Variants in BSDC1 observed in about 807,000 individuals in gnomAD.
The protein encoded by BSDC1 is BSD domain-containing protein 1.
In BSDC1, 29 loss-of-function variants were observed where a neutral mutation model predicts 56.0. That is an observed-to-expected ratio of 0.52 (90% CI 0.39 to 0.71). The LOEUF (loss-of-function observed/expected upper bound fraction) is 0.71, where lower values mean the gene tolerates loss of function less well. Among genes scored for constraint, BSDC1 ranks in the 30% least tolerant of loss-of-function variants. The pLI is 0.00. For missense variants in BSDC1, 477 were observed against 548.5 expected (o/e 0.87, Z 1.30); for synonymous variants, 210 against 215.3 (o/e 0.98, Z 0.21).
chr1:32,371,742 T>G (rs1489057695), intron 9 of BSDC1, among the ~76,000 whole-genome samples: 1 of 151,976 alleles, frequency 6.6e-6, no homozygotes, highest in Non-Finnish European at 1.5e-5. Context: ...GACCTACCCC[T>G]CAGCCCCGCT....
chr1:32,376,690 A>G lies in BSDC1; in HGVS notation c.728T>C (p.Val243Ala). 1 of 1,424,980 alleles carries G rather than the reference A, an allele frequency of 7.0e-7. No homozygotes were observed. The highest frequency in any genetic ancestry group is 9.3e-7 in the Non-Finnish European group (1 of 1,077,890). 88.3% of individuals were successfully genotyped at this position (1,424,980 alleles called of 1,614,324 possible). A position where few individuals can be genotyped will look rare whatever the true frequency, so the allele number is the denominator to read the frequency against. ...TTCAGGGAATGTAGAAATTTTGGCC[A>G]CAGGAACCTTTGCCTCTTTTGGAGA... ...PISPKEAKVP[V>A]AKISTFPEGE... is the part of the protein sequence containing the mutation. The change falls in exon 9 of 11, where the codon GTG becomes GCG. Residue 243 changes from valine to alanine, a missense_variant. By Grantham distance (64) the Val-to-Ala change is moderately conservative. Transcript: ENST00000455895.
chr1:32,377,903 G>C, intron 8 of BSDC1, 67 bp downstream of exon 8: 1 of 1,479,960 alleles, frequency 6.8e-7, no homozygotes, highest in Admixed American at 2.0e-5. Context: ...GCTTCAGAGA[G>C]CATGGCCCAG....
rs555825269 is a variant in BSDC1 at position 32,390,783 on chromosome 1, C to T, written c.72+3297G>A. 4.6e-5 allele frequency among the ~76,000 whole-genome samples: 7 copies of T among 152,050 alleles called. No individual in the cohort carries two copies. The East Asian group carries it at 1.4e-3, about 30-fold the overall frequency. On this transcript the variant is annotated intron_variant, in intron 2 of 10. Transcript: ENST00000455895. Reference sequence around the variant, plus strand: ...AAAATTAGTTGGGCGTGATGGTACACGCCTATAGTCCCAGCTACTTGGGGG... The same window carrying T: ...AAAATTAGTTGGGCGTGATGGTACATGCCTATAGTCCCAGCTACTTGGGGG...
intron 9 of BSDC1, chr1:32,369,406 G>C: frequency 1.3e-6 from 1 of 742,188 alleles, no homozygotes; most frequent in Admixed American, 2.7e-5. Context: ...CTACTCAGGA[G>C]GCTGAGGTGT....
intron 5 of BSDC1, among the ~76,000 whole-genome samples, chr1:32,380,747 C>T (rs1234400440): frequency 1.3e-5 from 2 of 152,180 alleles, no homozygotes; most frequent in Non-Finnish European, 2.9e-5. Context: ...CTCCTGCTGC[C>T]CCGCTGCTCT....
chr1:32,382,503 C>T (rs536451546), intron 4 of BSDC1, among the ~76,000 whole-genome samples: 11 of 150,340 alleles, frequency 7.3e-5, no homozygotes, highest in Non-Finnish European at 1.3e-4. Flanking sequence ...AAAAAAACTA[C>T]GAAGAGGGCC....
At chr1:32,389,467 T>C (rs1642790608) in intron 2 of BSDC1, among the ~76,000 whole-genome samples, 1 of 152,218 alleles carries the variant, frequency 6.6e-6, no homozygotes, top group Non-Finnish European at 1.5e-5. Context: ...CGCTAGACTG[T>C]GAGCTCTGAG....
chr1:32,368,850 C>T (rs1234005000), intron 9 of BSDC1, among the ~76,000 whole-genome samples: 1 of 152,088 alleles, frequency 6.6e-6, no homozygotes, highest in Non-Finnish European at 1.5e-5. Context: ...AGGCGCACGC[C>T]CCACACACCT....
chr1:32,381,411 C>G (rs368753009), intron 4 of BSDC1, 143 bp from the exon 5 acceptor site: 4 of 797,114 alleles, frequency 5.0e-6, no homozygotes, highest in African/African-American at 3.4e-5. Flanking sequence ...TGTTAATTAG[C>G]ACTGTGGCAC....
rs1641841494 is a variant in BSDC1 at position 32,366,142 on chromosome 1, C to T, written c.*480G>A. On this transcript the variant is annotated 3_prime_UTR_variant, in exon 11 of 11. Coordinates refer to ENST00000455895, the MANE Select transcript of BSDC1 (RefSeq NM_018045.8). ...GCCTCTTACCCACTGGGATAGGAAC[C>T]AAAATGTGTTCACTGTCCCTGTTTA... 1 of 187,418 alleles carries T rather than the reference C, an allele frequency of 5.3e-6. No homozygotes were observed. The highest frequency in any genetic ancestry group is 1.1e-5 in the Non-Finnish European group (1 of 88,604). The allele number at this position is 187,418 out of a possible 1,614,324, so 11.6% of individuals were successfully genotyped here.
chr1:32,378,250 G>A lies in BSDC1; in HGVS notation c.562C>T (p.His188Tyr). 1 of 1,614,214 alleles carries A rather than the reference G, an allele frequency of 6.2e-7. No homozygotes were observed. Residue 188 changes from histidine to tyrosine, a missense_variant, in exon 7 of 11, where the codon CAT (histidine) becomes TAT (tyrosine). Physicochemically the swap from His to Tyr is moderately conservative, Grantham distance 83. Transcript: ENST00000455895. This position sits in a 1 kb window ranked among gnomAD's most constrained non-coding sequence, Gnocchi z 5.2. ...PAAVSHSEFWHRYFYKVHQLE... is the reference protein window; with the variant it reads ...PAAVSHSEFWYRYFYKVHQLE... ...TGATGGACTTTATAGAAATACCGAT[G>A]CCAGAATTCTGAATGGGAAACAGCT...
chr1:32,376,788 A>G, intron 8 of BSDC1, 47 bp from the exon 9 acceptor site: 1 of 1,331,512 alleles, frequency 7.5e-7, no homozygotes. Context: ...TAACCTGGCC[A>G]GCCATAAGAC....
intron 10 of BSDC1, chr1:32,367,707 A>G: frequency 1.0e-6 from 1 of 981,976 alleles, no homozygotes; most frequent in Non-Finnish European, 1.2e-6. Flanking sequence ...AGTGAAGAAT[A>G]ACAGTACTAA....
At chr1:32,372,441 G>C (rs1227909061) in intron 9 of BSDC1, among the ~76,000 whole-genome samples, 1 of 152,190 alleles carries the variant, frequency 6.6e-6, no homozygotes, top group Non-Finnish European at 1.5e-5. Context: ...TAAATGCTAT[G>C]GCAGAACCTT....
intron 2 of BSDC1, among the ~76,000 whole-genome samples, chr1:32,392,697 A>G (rs1441382329): frequency 6.6e-6 from 1 of 152,178 alleles, no homozygotes; most frequent in Non-Finnish European, 1.5e-5. Context: ...TAAACAGCTC[A>G]GGGCATTCTC....
intron 2 of BSDC1, among the ~76,000 whole-genome samples, chr1:32,389,263 G>A (rs1043536986): frequency 2.6e-5 from 4 of 152,110 alleles, no homozygotes; most frequent in African/African-American, 9.7e-5. Flanking sequence ...CAGATGACCT[G>A]TTCAATGTCT....
chr1:32,382,862 C>G (rs1217770306), intron 4 of BSDC1, among the ~76,000 whole-genome samples: 1 of 112,026 alleles, frequency 8.9e-6, no homozygotes, highest in South Asian at 2.8e-4. Context: ...AGAGTGAGAC[C>G]GTCTCAAAAA....
chr1:32,369,481 C>T, intron 9 of BSDC1: 1 of 332,164 alleles, frequency 3.0e-6, no homozygotes, highest in Non-Finnish European at 5.8e-6. Flanking sequence ...TGCAGTCCAG[C>T]CTGTTGACAG....
At chr1:32,379,334 A>AT (rs1171918052) in intron 5 of BSDC1, among the ~76,000 whole-genome samples, 3 of 149,820 alleles carry the variant, frequency 2.0e-5, no homozygotes, top group Admixed American at 1.3e-4. Context: ...CTGGCTTTTT[A>AT]TTTTTTTTCC....
Sources: allele counts gnomAD v4.1 joint callset (sites outside exome capture counted in the v4.1 genomes callset), GRCh38; gene constraint gnomAD v4.1.1; non-coding constraint Gnocchi (gnomAD v3.1); transcripts MANE v1.5; gene names NCBI Gene and HGNC (gene_info 2026-07-23, HGNC 2026-07-21).